ZFHX3: variants seen among roughly 807,000 people sequenced by gnomAD.
The protein encoded by ZFHX3 is zinc finger homeobox protein 3.
ZFHX3 carries 42 observed loss-of-function variants against 279.1 expected under a neutral mutation model. That is an observed-to-expected ratio of 0.15 (90% CI 0.12 to 0.19). The LOEUF is 0.19. Ranked by LOEUF, ZFHX3 falls within the 10% of genes least tolerant of loss-of-function variation. The pLI is 1.00. For missense variants in ZFHX3, 4,981 were observed against 4,754.0 expected (o/e 1.05, Z -1.40); for synonymous variants, 2,293 against 1,957.8 (o/e 1.17, Z -4.52).
intron 2 of ZFHX3, among the ~76,000 whole-genome samples, chr16:73,670,176 A>T (rs2142184033): frequency 6.6e-6 from 1 of 152,300 alleles, no homozygotes; most frequent in East Asian, 1.9e-4. Context: ...CTCAATGCTG[A>T]CCACTTCCAG....
intron 1 of ZFHX3, among the ~76,000 whole-genome samples, chr16:73,019,982 T>C (rs1246876749): frequency 6.6e-6 from 1 of 152,166 alleles, no homozygotes; most frequent in Non-Finnish European, 1.5e-5. Context: ...GCAAGCACCA[T>C]GGAGACATTC....
chr16:73,077,297 G>A (rs75111415), intron 8 of ZFHX3, among the ~76,000 whole-genome samples: 1,793 of 152,140 alleles, frequency 0.012, 15 homozygotes, highest in Non-Finnish European at 0.02. Context: ...GACTTGTTCT[G>A]TCAAGTGATA....
At chr16:73,617,795 A>G (rs1166811624) in intron 2 of ZFHX3, among the ~76,000 whole-genome samples, 1 of 152,122 alleles carries the variant, frequency 6.6e-6, no homozygotes, top group Non-Finnish European at 1.5e-5. Flanking sequence ...ATCTCACTCA[A>G]ATCATAAGAA....
At chr16:73,058,720 C>T (rs1965629254) in exon 1 of ZFHX3, 3 of 162,596 alleles carry the variant, frequency 1.8e-5, no homozygotes, top group Non-Finnish European at 3.6e-5. Flanking sequence ...GCGGCGGCGG[C>T]GGCGGCGGAG....
intron 3 of ZFHX3, among the ~76,000 whole-genome samples, chr16:73,322,580 A>G (rs909286294): frequency 3.9e-5 from 6 of 152,176 alleles, no homozygotes; most frequent in African/African-American, 7.2e-5. Context: ...ATCTTCCCCA[A>G]TAGCCCTTGG....
chr16:73,460,927 A>G (rs900514167), intron 2 of ZFHX3, among the ~76,000 whole-genome samples: 6 of 152,206 alleles, frequency 3.9e-5, no homozygotes, highest in African/African-American at 1.4e-4. Flanking sequence ...GAAGCCCAGC[A>G]GATGCCAGCA....
At chr16:72,802,530 T>C (rs2036137197) in intron 7 of ZFHX3, among the ~76,000 whole-genome samples, 1 of 152,110 alleles carries the variant, frequency 6.6e-6, no homozygotes, top group Non-Finnish European at 1.5e-5. Flanking sequence ...ATTTTTCTCA[T>C]CTATAGTGTA....
chr16:73,658,363 T>C (rs533898520), intron 2 of ZFHX3, among the ~76,000 whole-genome samples: 1 of 152,346 alleles, frequency 6.6e-6, no homozygotes, highest in Non-Finnish European at 1.5e-5. Flanking sequence ...TGGAGCGCAG[T>C]GGCACCAACT....
intron 1 of ZFHX3, among the ~76,000 whole-genome samples, chr16:73,009,032 G>C (rs191322140): frequency 7.0e-4 from 106 of 152,170 alleles, no homozygotes; most frequent in African/African-American, 2.4e-3. Flanking sequence ...AGGCAGTACA[G>C]TAGCCAGTTC....
At chr16:73,861,341 A>T (rs568341428) in intron 1 of ZFHX3, among the ~76,000 whole-genome samples, 1 of 152,174 alleles carries the variant, frequency 6.6e-6, no homozygotes, top group Admixed American at 6.5e-5. Flanking sequence ...ATTCTAGGTG[A>T]TGGTTGCCTC....
chr16:73,388,986 C>G (rs926613693), intron 3 of ZFHX3: 4 of 152,220 alleles, frequency 2.6e-5, no homozygotes, highest in Non-Finnish European at 4.4e-5. Flanking sequence ...TCTCTGCAGG[C>G]GTCCAGTGCT....
intron 5 of ZFHX3, among the ~76,000 whole-genome samples, chr16:73,172,690 G>A (rs1010846152): frequency 6.6e-6 from 1 of 152,118 alleles, no homozygotes; most frequent in African/African-American, 2.4e-5. Context: ...TAAGTAGCCC[G>A]GACAATGAGA....
intron 5 of ZFHX3, among the ~76,000 whole-genome samples, chr16:73,250,074 C>T (rs1006874340): frequency 1.3e-5 from 2 of 152,180 alleles, no homozygotes; most frequent in African/African-American, 4.8e-5. Context: ...GATTCTGAAA[C>T]CAGGTCCTTA....
At chr16:73,422,048 C>T (rs59187385) in intron 3 of ZFHX3, among the ~76,000 whole-genome samples, 2,970 of 152,236 alleles carry the variant, frequency 0.02, 85 homozygotes, top group African/African-American at 0.066. Context: ...ACCACGCTTC[C>T]GGGGCAAACA....
chr16:73,358,153 G>A (rs575925481), intron 3 of ZFHX3, among the ~76,000 whole-genome samples: 2 of 152,356 alleles, frequency 1.3e-5, no homozygotes, highest in East Asian at 3.9e-4. Flanking sequence ...GCTTTGTACG[G>A]ATTTGTGCTA....
intron 7 of ZFHX3, among the ~76,000 whole-genome samples, chr16:73,112,694 C>T (rs60718613): frequency 5.2e-5 from 6 of 116,096 alleles, no homozygotes; most frequent in African/African-American, 6.7e-5. Context: ...CCAGCCTGGG[C>T]GACGGCGTGA....
At chr16:73,865,727 C>A (rs1248745398) in intron 1 of ZFHX3, among the ~76,000 whole-genome samples, 1 of 152,028 alleles carries the variant, frequency 6.6e-6, no homozygotes, top group Non-Finnish European at 1.5e-5. Context: ...CACCTGTAAT[C>A]CCAGCACTTT....
chr16:73,037,159 G>A (rs556635031), intron 1 of ZFHX3, among the ~76,000 whole-genome samples: 1 of 152,298 alleles, frequency 6.6e-6, no homozygotes, highest in South Asian at 2.1e-4. Context: ...ACTAGCTCAA[G>A]AACATACGTT....
chr16:73,679,110 A>G (rs930929818), intron 2 of ZFHX3, among the ~76,000 whole-genome samples: 5 of 141,436 alleles, frequency 3.5e-5, no homozygotes, highest in African/African-American at 7.6e-5. Context: ...TCATAAGTCA[A>G]TCCCTCCAGA....
Sources: allele counts gnomAD v4.1 joint callset (sites outside exome capture counted in the v4.1 genomes callset), GRCh38; gene constraint gnomAD v4.1.1; transcripts MANE v1.5; gene names NCBI Gene and HGNC (gene_info 2026-07-23, HGNC 2026-07-21).